The following LAMA2 variants were observed in gnomAD, a reference collection of about 807,000 sequenced individuals.
The protein encoded by LAMA2 is laminin subunit alpha 2, also known as laminin subunit alpha-2.
LAMA2 carries 269 observed loss-of-function variants against 364.8 expected under a neutral mutation model. The observed-to-expected ratio is 0.74, with a 90% confidence interval of 0.67 to 0.82. The LOEUF (loss-of-function observed/expected upper bound fraction) is 0.82, where lower values mean the gene tolerates loss of function less well. LAMA2 is among the 40% of genes least tolerant of loss of function. The pLI, the probability that LAMA2 is intolerant of heterozygous loss-of-function variation, is 0.00. For missense variants in LAMA2, 3,807 were observed against 3,873.2 expected, an observed-to-expected ratio of 0.98 and a Z score of 0.45; for synonymous variants, 1,379 against 1,370.6, an observed-to-expected ratio of 1.01 and a Z score of -0.14.
At chr6:129,297,594 C>G (rs1773268328) in intron 20 of LAMA2, 91 bp from the exon 21 acceptor site, 3 of 1,221,438 alleles carry the variant, frequency 2.5e-6, no homozygotes, top group African/African-American at 3.0e-5. Context: ...CTAAGTTCCT[C>G]TGTTCCCACC....
intron 14 of LAMA2, among the ~76,000 whole-genome samples, chr6:129,257,442 A>T (rs75362755): frequency 1.3e-5 from 2 of 152,138 alleles, no homozygotes; most frequent in Admixed American, 6.5e-5. Flanking sequence ...GAAATTTGTC[A>T]GTTCACTGAA....
At chr6:129,400,976 C>T (rs996267879) in intron 37 of LAMA2, among the ~76,000 whole-genome samples, 4 of 152,158 alleles carry the variant, frequency 2.6e-5, no homozygotes, top group African/African-American at 4.8e-5. Flanking sequence ...TAACTAGTAT[C>T]GCATAACTTT....
Position 128,934,277 on chromosome 6 carries a change from G to A in LAMA2, c.112+50920G>A, listed in dbSNP as rs139221370. On this transcript the variant is annotated intron_variant, in intron 1 of 64. Coordinates refer to ENST00000421865, the MANE Select transcript of LAMA2 (RefSeq NM_000426.4). ...TGTGGGTTTATTTCTGGGCTATTCC[G>A]TTTCATTGGTCTATATGTCTGTTTT... Among the ~76,000 whole-genome samples, 1,258 of 152,048 alleles carry A rather than the reference G, an allele frequency of 8.3e-3. 19 individuals are homozygous for A. Among genetic ancestry groups the A allele is most frequent in the African/African-American group, 0.029 (1,185 of 41,458 alleles).
In LAMA2 at chr6:129,051,754, T is replaced by G. The variant is rs980347254; in HGVS notation, c.283+1666T>G. ...TATAGAGGCCAGAAAGTAAATGAAT[T>G]GATGGATTATTAGTTTCAGGTTCAT... On this transcript the variant is annotated intron_variant, in intron 2 of 64. Coordinates refer to ENST00000421865, the MANE Select transcript of LAMA2 (RefSeq NM_000426.4). 2.7e-5 allele frequency among the ~76,000 whole-genome samples: 4 copies of G among 146,990 alleles called. No homozygotes were observed. In the South Asian group the frequency reaches 8.8e-4, roughly 32 times the overall value.
intron 4 of LAMA2, among the ~76,000 whole-genome samples, chr6:129,107,145 T>C (rs1775879197): frequency 6.6e-6 from 1 of 152,070 alleles, no homozygotes; most frequent in African/African-American, 2.4e-5. Flanking sequence ...TTTTGGGGAA[T>C]TACCTGGATT....
At position 128,923,654 on chromosome 6, in the gene LAMA2, A is replaced by G. The variant is rs551459202; in HGVS notation, c.112+40297A>G. Among the ~76,000 whole-genome samples the G allele has an allele frequency of 2.0e-5, 3 of 152,314 alleles. No individual in the cohort carries two copies. The South Asian group carries it at 6.2e-4, about 32-fold the overall frequency. On this transcript the variant is annotated intron_variant, in intron 1 of 64. Transcript: ENST00000421865. ...AATAATTTTTTTCCCACTGTTCTCA[A>G]TATCACTGCTAATTCCTATAAGAAC... is the stretch of plus-strand genomic sequence containing the variant.
chr6:129,177,472 T>C (rs183633325), intron 9 of LAMA2, among the ~76,000 whole-genome samples: 10 of 152,340 alleles, frequency 6.6e-5, no homozygotes, highest in Admixed American at 6.5e-4. Context: ...TTCATCTTTC[T>C]TGTTTACATT....
chr6:129,481,820 A>C (rs1006789585), intron 55 of LAMA2, among the ~76,000 whole-genome samples: 2 of 152,184 alleles, frequency 1.3e-5, no homozygotes, highest in African/African-American at 4.8e-5. Context: ...CCTTAAATTT[A>C]AATGTAAATT....
At chr6:129,498,566 A>G (rs981617140) in intron 58 of LAMA2, among the ~76,000 whole-genome samples, 2 of 152,238 alleles carry the variant, frequency 1.3e-5, no homozygotes, top group Non-Finnish European at 2.9e-5. Flanking sequence ...ATTTTAGAAG[A>G]AGATTAAAGT....
chr6:128,896,271 G>C (rs1025501157), intron 1 of LAMA2, among the ~76,000 whole-genome samples: 1 of 151,782 alleles, frequency 6.6e-6, no homozygotes, highest in African/African-American at 2.4e-5. Context: ...GACTGGCTTG[G>C]CATATGTCAG....
chr6:129,259,412 CTTCT>C, intron 14 of LAMA2, among the ~76,000 whole-genome samples: 1 of 152,108 alleles, frequency 6.6e-6, no homozygotes, highest in East Asian at 1.9e-4. Context: ...GAATCAGTTG[CTTCT>C]TTCTTATGGT....
intron 18 of LAMA2, among the ~76,000 whole-genome samples, chr6:129,284,805 A>G (rs371500348): frequency 2.0e-5 from 3 of 151,950 alleles, no homozygotes; most frequent in African/African-American, 4.8e-5. Context: ...TAAATTATCA[A>G]TAGCAGCAAG....
rs750626348 is a variant in LAMA2, at chr6:129,199,890, C to T, written c.1782+7037C>T. Among the ~76,000 whole-genome samples, 5 of 151,942 alleles carry T rather than the reference C, an allele frequency of 3.3e-5. 1 individual carries two copies. Among genetic ancestry groups the T allele is most frequent in the Admixed American group, 6.6e-5 (1 of 15,262 alleles). On this transcript the variant is annotated intron_variant, in intron 12 of 64. Transcript: ENST00000421865. ...GGTCAGAAGTTCGAGACCACCCTGG[C>T]CAACATGGCAAAACCCTGTCTCTAC...
chr6:128,957,255 T>G (rs1224974797), intron 1 of LAMA2, among the ~76,000 whole-genome samples: 1 of 152,156 alleles, frequency 6.6e-6, no homozygotes, highest in East Asian at 1.9e-4. Context: ...ATTTTTATTT[T>G]GTAGTCTGTG....
chr6:129,042,026 C>G (rs1787136647), intron 1 of LAMA2, among the ~76,000 whole-genome samples: 1 of 148,152 alleles, frequency 6.7e-6, no homozygotes, highest in African/African-American at 2.5e-5. Context: ...TAGTTAATGC[C>G]AGGCGTGGTG....
intron 1 of LAMA2, among the ~76,000 whole-genome samples, chr6:128,890,454 G>A (rs894808472): frequency 6.6e-6 from 1 of 151,636 alleles, no homozygotes; most frequent in African/African-American, 2.4e-5. Context: ...TCTAAGTTAT[G>A]TTAGTCTATC....
intron 30 of LAMA2, among the ~76,000 whole-genome samples, chr6:129,348,876 T>A (rs1372130980): frequency 6.6e-6 from 1 of 152,152 alleles, no homozygotes; most frequent in Non-Finnish European, 1.5e-5. Context: ...AAAAAAAATT[T>A]ATATAGATTT....
intron 40 of LAMA2, among the ~76,000 whole-genome samples, chr6:129,411,096 C>A (rs1201266861): frequency 6.6e-6 from 1 of 152,206 alleles, no homozygotes; most frequent in African/African-American, 2.4e-5. Flanking sequence ...TCCAGAAACA[C>A]CCTCACAGAC....
intron 28 of LAMA2, among the ~76,000 whole-genome samples, chr6:129,320,992 A>G (rs1212819313): frequency 6.6e-6 from 1 of 152,210 alleles, no homozygotes; most frequent in African/African-American, 2.4e-5. Context: ...ATTAGGAGAT[A>G]GGATTATACT....
Sources: allele counts gnomAD v4.1 joint callset (sites outside exome capture counted in the v4.1 genomes callset), GRCh38; gene constraint gnomAD v4.1.1; transcripts MANE v1.5; gene names NCBI Gene and HGNC (gene_info 2026-07-23, HGNC 2026-07-21).